Variants in MINK1 observed in about 807,000 individuals in gnomAD.
The protein encoded by MINK1 is misshapen like kinase 1, also known as misshapen-like kinase 1.
MINK1 carries 46 observed loss-of-function variants against 178.4 expected under a neutral mutation model. That is an observed-to-expected ratio of 0.26 (90% CI 0.20 to 0.33). MINK1 has a LOEUF of 0.33. MINK1 is among the 10% of genes least tolerant of loss of function. The pLI is 1.00. For synonymous variants in MINK1, 797 were observed against 709.7 expected (o/e 1.12, Z -1.96); for missense variants, 1,366 against 1,814.9 (o/e 0.75, Z 4.49).
chr17:4,866,140 C>T (rs1914918693), intron 1 of MINK1, among the ~76,000 whole-genome samples: 1 of 152,142 alleles, frequency 6.6e-6, no homozygotes, highest in Non-Finnish European at 1.5e-5. Context: ...TTGGCAGCCT[C>T]ATGGAGTGTG....
chr17:4,852,884 A>G (rs1316267002), intron 1 of MINK1, among the ~76,000 whole-genome samples: 5 of 220 alleles, frequency 0.023, no homozygotes, highest in Non-Finnish European at 0.023. Context: ...GGGGAGTGTG[A>G]TTTGTGGGGG....
At chr17:4,878,242 C>A (rs1597499499) in intron 1 of MINK1, 75 bp from the exon 2 acceptor site, 4 of 1,356,242 alleles carry the variant, frequency 2.9e-6, no homozygotes, top group Non-Finnish European at 4.1e-6. Flanking sequence ...TGACTGGATA[C>A]CACTTTACCC....
rs1340047044 is a variant in MINK1, at chr17:4,891,625, T to A, written c.1910T>A (p.Ile637Asn). 6.2e-7 allele frequency: 1 copy of A among 1,601,974 alleles called. No individual in the cohort carries two copies. Among genetic ancestry groups the A allele is most frequent in the African/African-American group, 1.3e-5 (1 of 74,640 alleles). Reference sequence around the variant, plus strand: ...ACGCCCAGTGCCCGAGGAGCTGTCATCCGCCAGAATTCAGACCCCACCTCT... The same window carrying A: ...ACGCCCAGTGCCCGAGGAGCTGTCAACCGCCAGAATTCAGACCCCACCTCT... ...TATPSARGAV[I>N]RQNSDPTSEG... Residue 637 changes from isoleucine to asparagine, a missense_variant, in exon 16 of 32, where the codon ATC becomes AAC. Physicochemically the swap from Ile to Asn is moderately radical, Grantham distance 149. Around this residue, in one of 14 missense-constraint regions of MINK1, gnomAD observed 709 missense variants for 692.3 expected, o/e 1.02. Transcript: ENST00000355280.
chr17:4,867,104 T>TAATAATAATAATAATAAA lies in MINK1; in HGVS notation c.58-11211_58-11210insTAATAATAATAATAAAAA, dbSNP rs1180632644. Among the ~76,000 whole-genome samples, 308 of 138,732 alleles carry TAATAATAATAATAATAAA rather than the reference T, an allele frequency of 2.2e-3. 2 individuals are homozygous for TAATAATAATAATAATAAA. The highest frequency in any genetic ancestry group is 0.016 in the Middle Eastern group (4 of 256). 91.0% of individuals were successfully genotyped at this position (138,732 alleles called of 152,430 possible). A position where few individuals can be genotyped will look rare whatever the true frequency, so the allele number is the denominator to read the frequency against. On this transcript the variant is annotated intron_variant, in intron 1 of 31. Transcript: ENST00000355280. ...ATAATAATAATAATAATAATAATAATAAACTGCACACTATAGTAGGTGCTC... is the reference window on the plus strand; with the variant it reads ...ATAATAATAATAATAATAATAATAATAATAATAATAATAATAAAAAACTGCACACTATAGTAGGTGCTC...
chr17:4,893,086 G>C lies in MINK1; in HGVS notation c.2400+19G>C. Reference sequence around the variant, plus strand: ...GCCCGCAGTGAGTCACCTGGTGGCAGGCATGGCCTGCCTCATCCTGGTTTG... The same window carrying C: ...GCCCGCAGTGAGTCACCTGGTGGCACGCATGGCCTGCCTCATCCTGGTTTG... On this transcript the variant is annotated intron_variant, in intron 20 of 31. Transcript: ENST00000355280. The C allele has an allele frequency of 5.2e-6, 8 of 1,553,096 alleles. No homozygotes were observed. The highest frequency in any genetic ancestry group is 7.0e-6 in the Non-Finnish European group (8 of 1,149,548).
chr17:4,871,612 G>T, intron 1 of MINK1, among the ~76,000 whole-genome samples: 1 of 152,108 alleles, frequency 6.6e-6, no homozygotes, highest in East Asian at 1.9e-4. Context: ...CTTTTTGGTT[G>T]TTAATAATCC....
chr17:4,848,210 G>T (rs1198648170), intron 1 of MINK1, among the ~76,000 whole-genome samples: 1 of 152,182 alleles, frequency 6.6e-6, no homozygotes, highest in East Asian at 1.9e-4. Flanking sequence ...ACAGGGAATT[G>T]TTCCTTAGGG....
intron 15 of MINK1, 144 bp from the exon 16 acceptor site, chr17:4,891,312 C>T (rs777675464): frequency 4.8e-6 from 6 of 1,263,036 alleles, no homozygotes; most frequent in Non-Finnish European, 6.4e-6. Context: ...TCTGTCCTGA[C>T]TTAGCTGTCA....
At chr17:4,860,910 T>C (rs905512945) in intron 1 of MINK1, 1 of 446,046 alleles carries the variant, frequency 2.2e-6, no homozygotes, top group Non-Finnish European at 4.6e-6. Context: ...CTTGAAATAG[T>C]TAAAGGGGGA....
In MINK1 at chr17:4,864,446, G is replaced by A. The variant is rs897453366; in HGVS notation, c.58-13871G>A. Among the ~76,000 whole-genome samples, 8 of 150,498 alleles carry A rather than the reference G, an allele frequency of 5.3e-5. No homozygotes were observed. The East Asian group carries it at 9.9e-4, about 19-fold the overall frequency. On this transcript the variant is annotated intron_variant, in intron 1 of 31. Coordinates refer to ENST00000355280, the MANE Select transcript of MINK1 (RefSeq NM_153827.5). ...AATTAAATAAAGGGCTATGGGGGCC[G>A]GGCCTGGTGGCTCATGCCTGTAATC...
chr17:4,882,395 C>T (rs1967784298), intron 4 of MINK1, among the ~76,000 whole-genome samples: 1 of 152,202 alleles, frequency 6.6e-6, no homozygotes, highest in Admixed American at 6.5e-5. Context: ...AGCTGCTCTC[C>T]CTGGGAGGTG....
rs770873926 is a variant in MINK1, at chr17:4,895,637, C to G, written c.3230-61C>G. The G allele has an allele frequency of 3.5e-5, 56 of 1,589,198 alleles. No homozygotes were observed. The highest frequency in any genetic ancestry group is 4.6e-5 in the Non-Finnish European group (54 of 1,165,688). The stretch of plus-strand genomic sequence containing the variant: ...GGTATGCTGACAGAGGAGGCCAGGG[C>G]GGTGGCATTCGGGCCTCAGATGAGA... On this transcript the variant is annotated intron_variant, in intron 26 of 31. Transcript: ENST00000355280. This position sits in a 1 kb window ranked among gnomAD's most constrained non-coding sequence, Gnocchi z 4.3.
At position 4,833,701 on chromosome 17, in the gene MINK1, G is replaced by T. The variant is rs1032132786; in HGVS notation, c.57+61G>T. The T allele has an allele frequency of 4.4e-6, 6 of 1,373,272 alleles. No individual in the cohort carries two copies. The highest frequency in any genetic ancestry group is 5.8e-6 in the Non-Finnish European group (6 of 1,042,318). The allele number at this position is 1,373,272 out of a possible 1,614,324, so 85.1% of individuals were successfully genotyped here. On this transcript the variant is annotated intron_variant, in intron 1 of 31. Transcript: ENST00000355280. The surrounding 1 kb of genome is among the most constrained non-coding windows in gnomAD (Gnocchi z 4.8). Reference sequence around the variant, plus strand: ...TGTCCCCGCCGCAGGGGAGGGAGCGGGGTGGCTGCACGCCTCACGTGCTCC... The same window carrying T: ...TGTCCCCGCCGCAGGGGAGGGAGCGTGGTGGCTGCACGCCTCACGTGCTCC...
chr17:4,881,165 A>G lies in MINK1; in HGVS notation c.214A>G (p.Met72Val). The G allele has an allele frequency of 1.3e-6, 2 of 1,537,136 alleles. No homozygotes were observed. Among genetic ancestry groups the G allele is most frequent in the Middle Eastern group, 1.7e-4 (1 of 5,990 alleles). Residue 72 changes from methionine (M) to valine (V), a missense_variant, in exon 4 of 32, where the codon ATG (methionine) becomes GTG (valine). Transcript: ENST00000355280. ...EEEEIKQEIN[M>V]LKKYSHHRNI... is the part of the protein sequence containing the mutation. ...GGAAGAGATCAAACAGGAGATCAAC[A>G]TGCTGAAAAAGTACTCTCACCACCG...
intron 1 of MINK1, among the ~76,000 whole-genome samples, chr17:4,848,400 G>A (rs551152835): frequency 2.0e-5 from 3 of 152,184 alleles, no homozygotes; most frequent in Non-Finnish European, 4.4e-5. Context: ...TCACTCTATC[G>A]CCCAGGCTGG....
chr17:4,838,479 C>G (rs538177693), intron 1 of MINK1, among the ~76,000 whole-genome samples: 3 of 152,180 alleles, frequency 2.0e-5, no homozygotes, highest in African/African-American at 7.2e-5. Flanking sequence ...GACTTCACAT[C>G]TGGCCTCCAT....
In MINK1 at chr17:4,892,448, G is replaced by A. The variant is rs375016016; in HGVS notation, c.2134G>A (p.Glu712Lys). The change falls in exon 18 of 32, where the codon GAG (glutamate) becomes AAG (lysine). Residue 712 changes from glutamate (E) to lysine (K), a missense_variant. Coordinates refer to ENST00000355280, the MANE Select transcript of MINK1 (RefSeq NM_153827.5). ...GCAAATCTATCTGCAAAGGCGGGCA[G>A]AGCGGGGCACCCCAAAGCCTCCAGG... ...AWQIYLQRRAERGTPKPPGPP... is the reference protein window; with the variant it reads ...AWQIYLQRRAKRGTPKPPGPP... 2 of 1,565,278 alleles carry A rather than the reference G, an allele frequency of 1.3e-6. No individual in the cohort carries two copies. Among genetic ancestry groups the A allele is most frequent in the Admixed American group, 3.8e-5 (2 of 53,230 alleles).
At chr17:4,839,995 CATG>C (rs1909961521) in intron 1 of MINK1, among the ~76,000 whole-genome samples, 1 of 146,574 alleles carries the variant, frequency 6.8e-6, no homozygotes, top group African/African-American at 2.5e-5. Context: ...GATTGCAAGC[CATG>C]ATAAGGACTG....
chr17:4,863,502 C>A (rs919937392), intron 1 of MINK1, among the ~76,000 whole-genome samples: 1 of 152,048 alleles, frequency 6.6e-6, no homozygotes, highest in Admixed American at 6.6e-5. Context: ...GTTGCTGGGG[C>A]TAGAAAGGGG....
Sources: allele counts gnomAD v4.1 joint callset (sites outside exome capture counted in the v4.1 genomes callset), GRCh38; gene constraint gnomAD v4.1.1; regional missense constraint gnomAD v4.1.1; non-coding constraint Gnocchi (gnomAD v3.1); transcripts MANE v1.5; gene names NCBI Gene and HGNC (gene_info 2026-07-23, HGNC 2026-07-21).